Variants in ERG observed in about 807,000 individuals in gnomAD.
The protein encoded by ERG is transcriptional regulator ERG.
ERG carries 9 observed loss-of-function variants against 55.3 expected under a neutral mutation model. That is an observed-to-expected ratio of 0.16 (90% CI 0.10 to 0.28). ERG has a LOEUF of 0.28. ERG is among the 10% of genes least tolerant of loss of function. The pLI, the probability that ERG is intolerant of heterozygous loss-of-function variation, is 1.00. For missense variants in ERG, 434 were observed against 631.6 expected (o/e 0.69, Z 3.35); for synonymous variants, 223 against 237.3 (o/e 0.94, Z 0.55).
At chr21:38,503,021 G>A (rs374136609), upstream of ERG, among the ~76,000 whole-genome samples, 10 of 152,030 alleles carry the variant, frequency 6.6e-5, no homozygotes, top group East Asian at 3.9e-4. Context: ...CACCACGCCC[G>A]GCCAATAACC....
At chr21:38,477,013 T>G (rs1170818551) in intron 1 of ERG, among the ~76,000 whole-genome samples, 2 of 130,544 alleles carry the variant, frequency 1.5e-5, no homozygotes, top group African/African-American at 5.8e-5. Flanking sequence ...TTTCCTTTTT[T>G]TTTTTTTTTT....
At chr21:38,660,832 C>T (rs1254648248) in intron 1 of ERG, among the ~76,000 whole-genome samples, 7 of 151,056 alleles carry the variant, frequency 4.6e-5, no homozygotes, top group Non-Finnish European at 1.5e-5. Flanking sequence ...TGGGTGCGAG[C>T]GCGCGGGAGT....
chr21:38,659,200 T>G (rs1282584858), intron 1 of ERG, among the ~76,000 whole-genome samples: 3 of 152,230 alleles, frequency 2.0e-5, no homozygotes, highest in African/African-American at 4.8e-5. Context: ...ATAGCATTTG[T>G]GATGTGTGTA....
intron 1 of ERG, among the ~76,000 whole-genome samples, chr21:38,596,868 CA>C: frequency 6.6e-6 from 1 of 152,230 alleles, no homozygotes; most frequent in South Asian, 2.1e-4. Flanking sequence ...TGGGGTGGAC[CA>C]ACACCAGGAA....
At chr21:38,556,162 T>C (rs920931504) in intron 2 of ERG, among the ~76,000 whole-genome samples, 1 of 152,166 alleles carries the variant, frequency 6.6e-6, no homozygotes, top group Admixed American at 6.5e-5. Flanking sequence ...ATGCAATATT[T>C]TGGGATGATA....
At chr21:38,595,210 A>G (rs538395067) in intron 1 of ERG, among the ~76,000 whole-genome samples, 2 of 152,172 alleles carry the variant, frequency 1.3e-5, no homozygotes, top group Non-Finnish European at 2.9e-5. Flanking sequence ...AAAGTTTCCC[A>G]AAGAGGCTGT....
chr21:38,566,235 T>A (rs2059922089), intron 2 of ERG, among the ~76,000 whole-genome samples: 1 of 152,152 alleles, frequency 6.6e-6, no homozygotes, highest in African/African-American at 2.4e-5. Context: ...CAAAAACCCA[T>A]AATAAGTAGG....
chr21:38,498,017 C>T lies in ERG; in HGVS notation c.18+346G>A, dbSNP rs757462875. Among the ~76,000 whole-genome samples the T allele has an allele frequency of 2.0e-4, 30 of 152,178 alleles. No individual in the cohort carries two copies. The highest frequency in any genetic ancestry group is 4.8e-4 in the African/African-American group (20 of 41,426). On this transcript the variant is annotated intron_variant, in intron 1 of 9. Transcript: ENST00000288319. The surrounding 1 kb of genome is among the most constrained non-coding windows in gnomAD (Gnocchi z 4.6). ...CTTTGACCCGACCCTTCAACCTCTC[C>T]GAGTCTGCTGCCTTTTCTCAGACAC...
chr21:38,615,136 C>T lies in ERG; in HGVS notation c.-149-30191G>A, dbSNP rs373705901. Reference sequence around the variant, plus strand: ...TTAGAGACACTATTATTCAGTACAACAAGAATCAGAAAGTCACCATAAAAC... The same window carrying T: ...TTAGAGACACTATTATTCAGTACAATAAGAATCAGAAAGTCACCATAAAAC... On this transcript the variant is annotated intron_variant, in intron 1 of 10. Transcript: ENST00000398910. Among the ~76,000 whole-genome samples the T allele has an allele frequency of 1.5e-3, 227 of 152,294 alleles. 1 individual carries two copies. The highest frequency in any genetic ancestry group is 4.9e-3 in the African/African-American group (205 of 41,550).
At position 38,540,540 on chromosome 21, in the gene ERG, T is replaced by C. The variant is rs2059744942; in HGVS notation, c.-41+35122A>G. ...AAATCCTGACATCAAATGATTCCCC[T>C]GTGAGGCCATGAGATGATAAGAACA... On this transcript the variant is annotated intron_variant, in intron 2 of 8. Transcript: ENST00000398897. 2.0e-5 allele frequency among the ~76,000 whole-genome samples: 3 copies of C among 152,180 alleles called. No individual in the cohort carries two copies. The South Asian group carries it at 6.2e-4, about 32-fold the overall frequency.
chr21:38,555,156 G>A (rs1203017315), intron 2 of ERG, among the ~76,000 whole-genome samples: 1 of 151,844 alleles, frequency 6.6e-6, no homozygotes, highest in Non-Finnish European at 1.5e-5. Flanking sequence ...GTGAAACCTC[G>A]TCTCTACTGA....
rs773596682 is a variant in ERG at position 38,539,359 on chromosome 21, A to AT, written c.-41+36302dup. ...CTATGAAAAAAGTATCTCATTAGTC[A>AT]TTTTTATATTGATTACATATTAAAA... On this transcript the variant is annotated intron_variant, in intron 2 of 8. Transcript: ENST00000398897. 5.3e-5 allele frequency among the ~76,000 whole-genome samples: 8 copies of AT among 152,308 alleles called. No homozygotes were observed. The East Asian group carries it at 1.4e-3, about 26-fold the overall frequency.
intron 2 of ERG, among the ~76,000 whole-genome samples, chr21:38,528,471 G>A (rs7276827): frequency 0.33 from 3,586 of 10,814 alleles, 585 homozygotes; most frequent in African/African-American, 0.46. Context: ...TTTTTGAGAC[G>A]GAGTCTCGCT....
intron 9 of ERG, among the ~76,000 whole-genome samples, chr21:38,390,748 C>T (rs182696886): frequency 1.3e-5 from 2 of 152,288 alleles, no homozygotes; most frequent in East Asian, 1.9e-4. Flanking sequence ...CCACCTAATC[C>T]GTGGTACTTT....
chr21:38,592,427 A>G (rs2060106072), intron 1 of ERG, among the ~76,000 whole-genome samples: 1 of 152,316 alleles, frequency 6.6e-6, no homozygotes, highest in African/African-American at 2.4e-5. Context: ...CCCTGTGATG[A>G]GAGGAGAAAC....
At chr21:38,558,698 G>C (rs1438348386) in intron 2 of ERG, among the ~76,000 whole-genome samples, 1 of 152,156 alleles carries the variant, frequency 6.6e-6, no homozygotes, top group Non-Finnish European at 1.5e-5. Context: ...AAAGCCAAAT[G>C]TAGAAATAAA....
In ERG at chr21:38,381,411, T is replaced by C. The variant is rs1987429053; in HGVS notation, c.*1992A>G. ...TGACTCTAGATTATGGAAATAAACA[T>C]TGTCTTCAAGGGATAGCCAGCAACA... is the stretch of plus-strand genomic sequence containing the variant. On this transcript the variant is annotated 3_prime_UTR_variant, in exon 10 of 10. Coordinates refer to ENST00000288319, the MANE Select transcript of ERG (RefSeq NM_182918.4). The C allele has an allele frequency of 3.8e-6, 4 of 1,062,782 alleles. No individual in the cohort carries two copies. The highest frequency in any genetic ancestry group is 4.6e-6 in the Non-Finnish European group (4 of 877,756). 65.8% of individuals were successfully genotyped at this position (1,062,782 alleles called of 1,614,324 possible). A position where few individuals can be genotyped will look rare whatever the true frequency, so the allele number is the denominator to read the frequency against.
At chr21:38,583,760 C>T (rs995621840) in intron 1 of ERG, among the ~76,000 whole-genome samples, 3 of 152,136 alleles carry the variant, frequency 2.0e-5, no homozygotes, top group African/African-American at 7.2e-5. Context: ...TAAAGACAGA[C>T]CTGTATAGAA....
At chr21:38,622,259 G>C (rs1479203228) in intron 1 of ERG, among the ~76,000 whole-genome samples, 1 of 152,164 alleles carries the variant, frequency 6.6e-6, no homozygotes, top group South Asian at 2.1e-4. Context: ...CTGCTTTCCG[G>C]GCCAAGTCAG....
Sources: gnomAD v4.1 joint callset for allele counts (sites outside exome capture counted in the v4.1 genomes callset) on GRCh38, gnomAD v4.1.1 for gene constraint, Gnocchi (gnomAD v3.1) non-coding constraint, MANE v1.5 for transcripts, NCBI Gene and HGNC (gene_info 2026-07-23, HGNC 2026-07-21) for gene names.